Variants in PRKN observed in about 807,000 individuals in gnomAD.
PRKN encodes E3 ubiquitin-protein ligase parkin.
PRKN carries 56 observed loss-of-function variants against 59.5 expected under a neutral mutation model. That is an observed-to-expected ratio of 0.94 (90% CI 0.76 to 1.18). PRKN has a LOEUF of 1.18. Among genes scored for constraint, PRKN ranks in the 50% most tolerant of loss-of-function variants. The pLI is 0.00. For synonymous variants in PRKN, 250 were observed against 222.1 expected, an observed-to-expected ratio of 1.13 and a Z score of -1.12; for missense variants, 657 against 596.4, an observed-to-expected ratio of 1.10 and a Z score of -1.06.
At position 161,371,579 on chromosome 6, in the gene PRKN, C is replaced by G. The variant is rs1785446545; in HGVS notation, c.1168-11374G>C. Among the ~76,000 whole-genome samples the G allele has an allele frequency of 6.6e-6, 1 of 152,124 alleles. No individual in the cohort carries two copies. The highest frequency in any genetic ancestry group is 2.1e-4 in the South Asian group (1 of 4,816). On this transcript the variant is annotated intron_variant, in intron 10 of 11. Transcript: ENST00000366898. This position sits in a 1 kb window ranked among gnomAD's most constrained non-coding sequence, Gnocchi z 5.5. The stretch of plus-strand genomic sequence containing the variant: ...CTGTAAGCAATACAAGGCTACTCCA[C>G]TAAGCTCCAAACTCCCCAAGCCATG...
Position 161,460,424 on chromosome 6 carries a change from C to T in PRKN, c.1084-73547G>A, listed in dbSNP as rs1236510712. Among the ~76,000 whole-genome samples, 1 of 152,096 alleles carries T rather than the reference C, an allele frequency of 6.6e-6. No homozygotes were observed. The highest frequency in any genetic ancestry group is 1.5e-5 in the Non-Finnish European group (1 of 68,022). On this transcript the variant is annotated intron_variant, in intron 9 of 11. Coordinates refer to ENST00000366898, the MANE Select transcript of PRKN (RefSeq NM_004562.3). The surrounding 1 kb of genome is among the most constrained non-coding windows in gnomAD (Gnocchi z 5.0). ...GATCTCTGGAATATAATGGGCTATA[C>T]TTGGCATTGGAGTCATTTAGAAGGA...
chr6:162,312,876 T>G (rs1276756348), intron 2 of PRKN, among the ~76,000 whole-genome samples: 1 of 152,134 alleles, frequency 6.6e-6, no homozygotes, highest in Admixed American at 6.5e-5. Flanking sequence ...GAGTATCTAG[T>G]GAAGGTAATT....
At chr6:161,672,725 G>A (rs181900483) in intron 7 of PRKN, among the ~76,000 whole-genome samples, 118 of 151,742 alleles carry the variant, frequency 7.8e-4, no homozygotes, top group African/African-American at 2.8e-3. Flanking sequence ...GCAGTAAGCC[G>A]AGATCACACC....
rs1006861930 is a variant in PRKN at position 161,548,234 on chromosome 6, C to A, written c.1083+620G>T. ...TGTGTTTGAGTTATGCTTCTTCCCC[C>A]CTTGAGCCATCAGCTTGCAGCCATA... On this transcript the variant is annotated intron_variant, in intron 9 of 11. Coordinates refer to ENST00000366898, the MANE Select transcript of PRKN (RefSeq NM_004562.3). This position sits in a 1 kb window ranked among gnomAD's most constrained non-coding sequence, Gnocchi z 4.2. Among the ~76,000 whole-genome samples the A allele has an allele frequency of 1.3e-5, 2 of 152,124 alleles. No individual in the cohort carries two copies. The highest frequency in any genetic ancestry group is 3.8e-4 in the East Asian group (2 of 5,198).
chr6:161,658,015 CAAAAAAA>C (rs60685690), intron 7 of PRKN, among the ~76,000 whole-genome samples: 1 of 61,880 alleles, frequency 1.6e-5, no homozygotes, highest in Admixed American at 1.8e-4. Context: ...GACTCTGTCT[CAAAAAAA>C]AAAAAAAAAA....
At position 161,373,829 on chromosome 6, in the gene PRKN, G is replaced by A. The variant is rs897233977; in HGVS notation, c.1167+12965C>T. 1.1e-4 allele frequency among the ~76,000 whole-genome samples: 16 copies of A among 152,072 alleles called. No homozygotes were observed. The highest frequency in any genetic ancestry group is 9.2e-4 in the Admixed American group (14 of 15,264). On this transcript the variant is annotated intron_variant, in intron 10 of 11. Transcript: ENST00000366898. The surrounding 1 kb of genome is among the most constrained non-coding windows in gnomAD (Gnocchi z 4.8). ...CCCCGTTTTTAATGAAGGAATTATG[G>A]GGGCCAGGATCCAGCTGTTAGCTTT...
rs1018616508 is a variant in PRKN, at chr6:162,262,870, GTGACATGTAAC to G, written c.172-116_172-106del. 1.3e-5 allele frequency: 19 copies of G among 1,473,232 alleles called. No individual in the cohort carries two copies. The East Asian group carries it at 2.9e-4, about 22-fold the overall frequency. 91.3% of individuals were successfully genotyped at this position (1,473,232 alleles called of 1,614,324 possible). Reference sequence around the variant, plus strand: ...CCTCCGTGGTAGAAGGGAAGCAAAAGTGACATGTAACTGACCAACTTAGGTGCTCCTTTGCC... The same window carrying G: ...CCTCCGTGGTAGAAGGGAAGCAAAAGTGACCAACTTAGGTGCTCCTTTGCC... On this transcript the variant is annotated intron_variant, in intron 2 of 11. Transcript: ENST00000366898.
At chr6:161,956,641 T>C (rs1780180053) in intron 6 of PRKN, among the ~76,000 whole-genome samples, 1 of 152,216 alleles carries the variant, frequency 6.6e-6, no homozygotes, top group Non-Finnish European at 1.5e-5. Context: ...CTGAAATTTA[T>C]TCTTTAATTT....
intron 9 of PRKN, among the ~76,000 whole-genome samples, chr6:161,406,847 A>G (rs1417511491): frequency 6.6e-6 from 1 of 152,190 alleles, no homozygotes; most frequent in East Asian, 1.9e-4. Context: ...TTCTCAGGCA[A>G]TGAATTATGT....
At chr6:162,541,469 G>A (rs1778924026) in intron 1 of PRKN, among the ~76,000 whole-genome samples, 1 of 152,192 alleles carries the variant, frequency 6.6e-6, no homozygotes, top group Non-Finnish European at 1.5e-5. Context: ...CTGCTGGGAT[G>A]GATGGCCCTG....
At chr6:162,377,686 G>C (rs1332085028) in intron 2 of PRKN, among the ~76,000 whole-genome samples, 1 of 152,180 alleles carries the variant, frequency 6.6e-6, no homozygotes, top group Non-Finnish European at 1.5e-5. Context: ...GGGGCTGCCA[G>C]CACTGGGACA....
At chr6:161,684,220 A>G (rs1384352211) in intron 7 of PRKN, among the ~76,000 whole-genome samples, 1 of 152,168 alleles carries the variant, frequency 6.6e-6, no homozygotes. Flanking sequence ...TTATTTAAAA[A>G]AAATTTTCAT....
intron 5 of PRKN, among the ~76,000 whole-genome samples, chr6:161,975,273 G>A (rs1176857491): frequency 2.0e-5 from 3 of 151,816 alleles, no homozygotes; most frequent in Non-Finnish European, 4.4e-5. Context: ...TAGTAGAGAC[G>A]GGGTTTCACC....
chr6:161,403,189 C>A (rs370782996), intron 9 of PRKN, among the ~76,000 whole-genome samples: 1 of 152,140 alleles, frequency 6.6e-6, no homozygotes, highest in Admixed American at 6.5e-5. Flanking sequence ...AACTGCAGGG[C>A]CCTCAGAGAG....
chr6:161,899,188 G>A (rs1777784789), intron 6 of PRKN, among the ~76,000 whole-genome samples: 1 of 152,240 alleles, frequency 6.6e-6, no homozygotes, highest in Non-Finnish European at 1.5e-5. Context: ...CACAGATGAG[G>A]CTGAAATGAG....
chr6:161,474,891 C>T, intron 9 of PRKN, among the ~76,000 whole-genome samples: 1 of 149,090 alleles, frequency 6.7e-6, no homozygotes, highest in East Asian at 2.0e-4. Flanking sequence ...TGTGAGCCAC[C>T]ACGCCCGGCC....
At chr6:162,698,213 A>G (rs1778032100) in intron 1 of PRKN, among the ~76,000 whole-genome samples, 1 of 152,176 alleles carries the variant, frequency 6.6e-6, no homozygotes. Context: ...CTAGTCTATC[A>G]ATATTGCTTT....
At chr6:162,107,647 T>G (rs577646552) in intron 4 of PRKN, among the ~76,000 whole-genome samples, 1 of 152,326 alleles carries the variant, frequency 6.6e-6, no homozygotes, top group South Asian at 2.1e-4. Flanking sequence ...TGGCTGTTGT[T>G]ACTGTTATAT....
intron 7 of PRKN, among the ~76,000 whole-genome samples, chr6:161,774,800 G>A (rs75727948): frequency 0.043 from 6,598 of 152,208 alleles, 473 homozygotes; most frequent in African/African-American, 0.15. Context: ...ACTTTACACC[G>A]CCTCATGCAT....
Sources: gnomAD v4.1 joint callset for allele counts (sites outside exome capture counted in the v4.1 genomes callset) on GRCh38, gnomAD v4.1.1 for gene constraint, Gnocchi (gnomAD v3.1) non-coding constraint, MANE v1.5 for transcripts, NCBI Gene and HGNC (gene_info 2026-07-23, HGNC 2026-07-21) for gene names.